Variants in DNM3 observed in about 807,000 individuals in gnomAD.
DNM3 encodes the protein dynamin 3.
DNM3 carries 47 observed loss-of-function variants against 101.6 expected under a neutral mutation model. The ratio of observed to expected loss-of-function variants is 0.46; its 90% CI spans 0.37 to 0.59. The LOEUF is 0.59. Among genes scored for constraint, DNM3 ranks in the 20% least tolerant of loss-of-function variants. The pLI is 0.00. For synonymous variants in DNM3, 385 were observed against 387.9 expected (o/e 0.99, Z 0.09); for missense variants, 849 against 1,085.7 (o/e 0.78, Z 3.06).
At chr1:172,202,867 G>C (rs1421577928) in intron 14 of DNM3, among the ~76,000 whole-genome samples, 1 of 152,120 alleles carries the variant, frequency 6.6e-6, no homozygotes, top group Non-Finnish European at 1.5e-5. Context: ...GGTTGACTGA[G>C]AGTGAATCAG....
At chr1:172,317,562 C>T (rs1305150927) in intron 16 of DNM3, among the ~76,000 whole-genome samples, 17 of 152,058 alleles carry the variant, frequency 1.1e-4, no homozygotes, top group Non-Finnish European at 2.2e-4. Flanking sequence ...GGGATATCAC[C>T]ACTGATCCCA....
chr1:172,172,716 C>T (rs182124591), intron 14 of DNM3, among the ~76,000 whole-genome samples: 6 of 151,786 alleles, frequency 4.0e-5, no homozygotes, highest in African/African-American at 1.4e-4. Flanking sequence ...AGATAAGACA[C>T]AAGATGTGAT....
chr1:172,286,781 C>T (rs1275215421), intron 15 of DNM3, among the ~76,000 whole-genome samples: 1 of 152,174 alleles, frequency 6.6e-6, no homozygotes, highest in African/African-American at 2.4e-5. Flanking sequence ...GCCAATTAAT[C>T]ATACCAGTTA....
chr1:172,311,826 G>T (rs2065095517), intron 16 of DNM3, among the ~76,000 whole-genome samples: 1 of 152,106 alleles, frequency 6.6e-6, no homozygotes, highest in Non-Finnish European at 1.5e-5. Context: ...GTTTATCAAT[G>T]CATATTTGGT....
intron 14 of DNM3, among the ~76,000 whole-genome samples, chr1:172,235,255 A>G (rs1246491439): frequency 6.6e-6 from 1 of 152,238 alleles, no homozygotes; most frequent in Non-Finnish European, 1.5e-5. Flanking sequence ...AATGCTTATC[A>G]TCACTGGTCA....
chr1:172,164,950 T>A (rs628479), intron 14 of DNM3, among the ~76,000 whole-genome samples: 43,257 of 151,958 alleles, frequency 0.28, 6,497 homozygotes, highest in Middle Eastern at 0.35. Context: ...ATGCCTCCTG[T>A]TTATACTAAT....
At chr1:172,244,497 C>T (rs997270571) in intron 14 of DNM3, among the ~76,000 whole-genome samples, 1 of 151,098 alleles carries the variant, frequency 6.6e-6, no homozygotes, top group African/African-American at 2.4e-5. Context: ...TGAACTCAAA[C>T]AAATTTACAA....
chr1:171,868,996 T>TA (rs928975818), intron 1 of DNM3, among the ~76,000 whole-genome samples: 1 of 152,168 alleles, frequency 6.6e-6, no homozygotes, highest in Admixed American at 6.5e-5. Context: ...TTGGTCAGGC[T>TA]GGTCTCGACC....
intron 14 of DNM3, among the ~76,000 whole-genome samples, chr1:172,134,521 T>G (rs1442402154): frequency 6.6e-6 from 1 of 152,168 alleles, no homozygotes. Context: ...AGGTGCTAAG[T>G]GTCAGTGCTG....
At chr1:172,084,555 G>T (rs1474373446) in intron 12 of DNM3, among the ~76,000 whole-genome samples, 6 of 151,976 alleles carry the variant, frequency 3.9e-5, no homozygotes, top group African/African-American at 1.4e-4. Context: ...TGAAGATGAA[G>T]AAATGTTCAT....
At chr1:171,931,804 C>A (rs1265499538) in intron 2 of DNM3, among the ~76,000 whole-genome samples, 1 of 152,020 alleles carries the variant, frequency 6.6e-6, no homozygotes, top group Non-Finnish European at 1.5e-5. Context: ...TCTCCCATTA[C>A]TTTTTTTAAA....
At chr1:172,377,703 A>T (rs1407505824) in intron 17 of DNM3, among the ~76,000 whole-genome samples, 1 of 151,586 alleles carries the variant, frequency 6.6e-6, no homozygotes, top group Non-Finnish European at 1.5e-5. Context: ...CCCTAAATGC[A>T]CTGGAGCCTC....
rs572528240 is a variant in DNM3, at chr1:172,172,301, C to T, written c.1659+41013C>T. 1.3e-4 allele frequency among the ~76,000 whole-genome samples: 20 copies of T among 151,662 alleles called. No individual in the cohort carries two copies. The South Asian group carries it at 1.9e-3, about 14-fold the overall frequency. On this transcript the variant is annotated intron_variant, in intron 14 of 20. Transcript: ENST00000627582. ...TCACAGGGACTACATTCCAAGACTC[C>T]GCATAGATGCCTAAAACCACAGATA...
chr1:172,268,661 A>G (rs1452057401), intron 15 of DNM3, among the ~76,000 whole-genome samples: 1 of 152,206 alleles, frequency 6.6e-6, no homozygotes, highest in Admixed American at 6.5e-5. Context: ...ATTTTTATGA[A>G]CTAAGTCTGT....
intron 10 of DNM3, among the ~76,000 whole-genome samples, chr1:172,050,880 TC>T (rs1186211658): frequency 6.6e-6 from 1 of 151,564 alleles, no homozygotes; most frequent in Non-Finnish European, 1.5e-5. Context: ...TATGCATGAA[TC>T]TTTTTTTTTT....
chr1:172,082,999 C>T (rs796560061), intron 12 of DNM3, among the ~76,000 whole-genome samples: 16 of 152,320 alleles, frequency 1.1e-4, no homozygotes, highest in African/African-American at 3.1e-4. Flanking sequence ...TAGAACCCAA[C>T]GATAAATATG....
chr1:172,052,828 G>C (rs1453172542), intron 10 of DNM3, among the ~76,000 whole-genome samples: 1 of 152,024 alleles, frequency 6.6e-6, no homozygotes, highest in Non-Finnish European at 1.5e-5. Context: ...GTCTGTAATA[G>C]TTCAACTACC....
chr1:172,211,046 T>C (rs937055229), intron 14 of DNM3, among the ~76,000 whole-genome samples: 1 of 152,124 alleles, frequency 6.6e-6, no homozygotes, highest in African/African-American at 2.4e-5. Flanking sequence ...TAAACGGAAA[T>C]ATATCTTACA....
chr1:172,037,552 T>A (rs2049059601), intron 6 of DNM3, among the ~76,000 whole-genome samples: 1 of 152,224 alleles, frequency 6.6e-6, no homozygotes, highest in African/African-American at 2.4e-5. Context: ...CAGACTTTTC[T>A]TTAACTGCAT....
Sources: gnomAD v4.1 joint callset for allele counts (sites outside exome capture counted in the v4.1 genomes callset) on GRCh38, gnomAD v4.1.1 for gene constraint, MANE v1.5 for transcripts, NCBI Gene and HGNC (gene_info 2026-07-23, HGNC 2026-07-21) for gene names.